Variants in SLC43A2 observed in about 807,000 individuals in gnomAD.
SLC43A2 encodes solute carrier family 43 member 2, also known as large neutral amino acids transporter small subunit 4.
In SLC43A2, 38 loss-of-function variants were observed where a neutral mutation model predicts 63.2. That is an observed-to-expected ratio of 0.60 (90% CI 0.46 to 0.79). The LOEUF (loss-of-function observed/expected upper bound fraction) is 0.79. Among genes scored for constraint, SLC43A2 ranks in the 30% least tolerant of loss-of-function variants. The pLI, the probability that SLC43A2 is intolerant of heterozygous loss-of-function variation, is 0.00. For missense variants in SLC43A2, 644 were observed against 756.2 expected (o/e 0.85, Z 1.74); for synonymous variants, 322 against 331.0 (o/e 0.97, Z 0.30).
chr17:1,608,934 T>C (rs1054815086), intron 5 of SLC43A2, among the ~76,000 whole-genome samples: 3 of 152,128 alleles, frequency 2.0e-5, no homozygotes, highest in Non-Finnish European at 4.4e-5. Context: ...GAAAGAGCTC[T>C]TACGAGTCAC....
chr17:1,576,813 A>G, intron 12 of SLC43A2, 93 bp from the exon 13 acceptor site: 2 of 1,483,688 alleles, frequency 1.3e-6, no homozygotes, highest in Non-Finnish European at 9.0e-7. Context: ...CGTTGGTGCC[A>G]GAGAAGGGTG....
chr17:1,594,941 C>A (rs1391425577), intron 5 of SLC43A2, among the ~76,000 whole-genome samples: 1 of 151,992 alleles, frequency 6.6e-6, no homozygotes, highest in Non-Finnish European at 1.5e-5. Context: ...CTCACGCCTG[C>A]AATCCCAGAG....
At chr17:1,612,458 T>G (rs1907210764) in intron 5 of SLC43A2, among the ~76,000 whole-genome samples, 1 of 152,152 alleles carries the variant, frequency 6.6e-6, no homozygotes, top group South Asian at 2.1e-4. Flanking sequence ...GTTCCCTGCA[T>G]TTTCCATCTG....
chr17:1,584,210 A>C (rs2076065939), intron 10 of SLC43A2, among the ~76,000 whole-genome samples: 1 of 151,906 alleles, frequency 6.6e-6, no homozygotes, highest in Non-Finnish European at 1.5e-5. Flanking sequence ...CTCTGCAATT[A>C]TCTCTCGTGA....
rs1008428030 is a variant in SLC43A2, at chr17:1,605,811, C to T, written c.501+7384G>A. Among the ~76,000 whole-genome samples the T allele has an allele frequency of 6.6e-6, 1 of 152,190 alleles. No homozygotes were observed. Among genetic ancestry groups the T allele is most frequent in the Non-Finnish European group, 1.5e-5 (1 of 68,028 alleles). Reference sequence around the variant, plus strand: ...ACAACCGGGCACCTCCAAGCACATGCTGCCCGGGACAAGGTCCTTGTGGTC... The same window carrying T: ...ACAACCGGGCACCTCCAAGCACATGTTGCCCGGGACAAGGTCCTTGTGGTC... On this transcript the variant is annotated intron_variant, in intron 5 of 13. Transcript: ENST00000301335. This position sits in a 1 kb window ranked among gnomAD's most constrained non-coding sequence, Gnocchi z 4.9.
intron 2 of SLC43A2, among the ~76,000 whole-genome samples, chr17:1,625,878 C>A (rs1040436879): frequency 3.9e-5 from 6 of 152,016 alleles, no homozygotes; most frequent in Admixed American, 6.6e-5. Context: ...CTCAGCACTG[C>A]GCTGGCACAA....
rs1005625752 is a variant in SLC43A2 at position 1,593,995 on chromosome 17, T to C, written c.502-716A>G. ...GCGAGATTAGAGATGCCCGCCACCA[T>C]GCCTGGCTAATTTTTGTATTTTTAG... On this transcript the variant is annotated intron_variant, in intron 5 of 13. Coordinates refer to ENST00000301335, the MANE Select transcript of SLC43A2 (RefSeq NM_152346.3). This position sits in a 1 kb window ranked among gnomAD's most constrained non-coding sequence, Gnocchi z 5.3. Among the ~76,000 whole-genome samples, 1 of 152,052 alleles carries C rather than the reference T, an allele frequency of 6.6e-6. No individual in the cohort carries two copies. The highest frequency in any genetic ancestry group is 1.5e-5 in the Non-Finnish European group (1 of 67,992).
chr17:1,619,798 A>G (rs999572666), intron 2 of SLC43A2, among the ~76,000 whole-genome samples: 1 of 152,274 alleles, frequency 6.6e-6, no homozygotes, highest in Non-Finnish European at 1.5e-5. Context: ...AAACCAGCAC[A>G]GAGGTGACAG....
intron 2 of SLC43A2, among the ~76,000 whole-genome samples, chr17:1,617,611 G>A (rs536562014): frequency 2.0e-5 from 3 of 152,236 alleles, no homozygotes; most frequent in East Asian, 1.9e-4. Context: ...GGCTGGTCTC[G>A]AACTCCTGAC....
intron 11 of SLC43A2, among the ~76,000 whole-genome samples, chr17:1,582,076 G>A (rs528442413): frequency 6.9e-6 from 1 of 143,972 alleles, no homozygotes; most frequent in East Asian, 2.1e-4. Flanking sequence ...AAGTGTTTTG[G>A]TTTTTTTTGG....
chr17:1,576,510 C>A, intron 13 of SLC43A2, 87 bp downstream of exon 13: 1 of 1,454,756 alleles, frequency 6.9e-7, no homozygotes, highest in Non-Finnish European at 9.2e-7. Context: ...TCCTCGGGGC[C>A]CTGAAGCCCC....
chr17:1,600,150 A>ATTTTT (rs1444075068), intron 5 of SLC43A2, among the ~76,000 whole-genome samples: 4 of 77,532 alleles, frequency 5.2e-5, no homozygotes, highest in Non-Finnish European at 9.7e-5. Flanking sequence ...ATATATATAT[A>ATTTTT]TATTTTTTTT....
intron 5 of SLC43A2, among the ~76,000 whole-genome samples, chr17:1,612,457 A>G (rs1359020185): frequency 6.6e-6 from 1 of 152,104 alleles, no homozygotes; most frequent in Non-Finnish European, 1.5e-5. Context: ...TGTTCCCTGC[A>G]TTTTCCATCT....
At chr17:1,576,145 G>A (rs1446017163) in intron 13 of SLC43A2, among the ~76,000 whole-genome samples, 2 of 140,678 alleles carry the variant, frequency 1.4e-5, no homozygotes, top group Non-Finnish European at 3.0e-5. Flanking sequence ...GTGCAGTGGC[G>A]CAATCTCAGC....
intron 9 of SLC43A2, chr17:1,586,932 C>CCCCCCCCCCCCCCCCCCCCCGG: frequency 7.5e-7 from 1 of 1,330,042 alleles, no homozygotes; most frequent in Non-Finnish European, 1.0e-6. Flanking sequence ...TGACAATCCC[C>CCCCCCCCCCCCCCCCCCCCCGG]CCCACCCCCC....
intron 5 of SLC43A2, among the ~76,000 whole-genome samples, chr17:1,596,186 G>A (rs1905258907): frequency 6.6e-6 from 1 of 152,128 alleles, no homozygotes; most frequent in Non-Finnish European, 1.5e-5. Flanking sequence ...CGGGCGTGGT[G>A]GTGGACGCCT....
intron 5 of SLC43A2, among the ~76,000 whole-genome samples, chr17:1,600,692 G>A (rs1905911184): frequency 6.6e-6 from 1 of 150,676 alleles, no homozygotes. Flanking sequence ...CAGCTGGGAT[G>A]GATTATAGCC....
Position 1,576,586 on chromosome 17 carries a change from AC to A in SLC43A2, c.1548+10del. 6.3e-7 allele frequency: 1 copy of A among 1,595,694 alleles called. No individual in the cohort carries two copies. Among genetic ancestry groups the A allele is most frequent in the Non-Finnish European group, 8.5e-7 (1 of 1,175,544 alleles). ...GGCGCCCATGACCCACCATCCCCCG[AC>A]CCCTCTTACCCACAGAGGGTCTCCC... On this transcript the variant is annotated intron_variant, in intron 13 of 13. Coordinates refer to ENST00000301335, the MANE Select transcript of SLC43A2 (RefSeq NM_152346.3).
intron 5 of SLC43A2, 104 bp downstream of exon 5, chr17:1,613,091 C>G (rs1397007628): frequency 9.7e-7 from 1 of 1,025,804 alleles, no homozygotes; most frequent in Non-Finnish European, 1.5e-6. Context: ...GACACCCAGG[C>G]ACATGCAGGC....
Sources: gnomAD v4.1 joint callset for allele counts (sites outside exome capture counted in the v4.1 genomes callset) on GRCh38, gnomAD v4.1.1 for gene constraint, Gnocchi (gnomAD v3.1) non-coding constraint, MANE v1.5 for transcripts, NCBI Gene and HGNC (gene_info 2026-07-23, HGNC 2026-07-21) for gene names.